Variants in PACRG observed in about 807,000 individuals in gnomAD.
The protein encoded by PACRG is parkin coregulated.
In PACRG, 29 loss-of-function variants were observed where a neutral mutation model predicts 29.7. The ratio of observed to expected loss-of-function variants is 0.98; its 90% CI spans 0.73 to 1.33. The LOEUF is 1.33. Ranked by LOEUF, PACRG falls within the 40% of genes most tolerant of loss-of-function variation. PACRG has a pLI of 0.00. For missense variants in PACRG, 279 were observed against 316.2 expected (o/e 0.88, Z 0.89); for synonymous variants, 116 against 118.7 (o/e 0.98, Z 0.15).
At chr6:163,025,898 C>T (rs1562843482) in intron 2 of PACRG, among the ~76,000 whole-genome samples, 4 of 152,148 alleles carry the variant, frequency 2.6e-5, no homozygotes, top group Non-Finnish European at 5.9e-5. Context: ...ATTAATGAGG[C>T]TTTGGTTAAA....
chr6:163,070,877 G>C (rs975474202), intron 3 of PACRG, among the ~76,000 whole-genome samples: 1 of 151,676 alleles, frequency 6.6e-6, no homozygotes, highest in Non-Finnish European at 1.5e-5. Context: ...CATGCCAATG[G>C]AAACCAAAAA....
intron 3 of PACRG, among the ~76,000 whole-genome samples, chr6:163,078,609 A>G (rs1812774667): frequency 6.6e-6 from 1 of 152,128 alleles, no homozygotes; most frequent in Non-Finnish European, 1.5e-5. Flanking sequence ...TGTCATCATT[A>G]TCATCGTCAT....
chr6:162,992,960 C>A (rs1358281352), intron 2 of PACRG, among the ~76,000 whole-genome samples: 1 of 151,602 alleles, frequency 6.6e-6, no homozygotes, highest in African/African-American at 2.4e-5. Flanking sequence ...TCGTTGGTTT[C>A]AAAGAACATC....
chr6:162,978,971 T>C (rs1802185365), intron 2 of PACRG, among the ~76,000 whole-genome samples: 1 of 152,162 alleles, frequency 6.6e-6, no homozygotes, highest in African/African-American at 2.4e-5. Context: ...TAGAATTGTA[T>C]AGGTTTGCTG....
chr6:162,829,881 C>T, intron 2 of PACRG, among the ~76,000 whole-genome samples: 1 of 152,148 alleles, frequency 6.6e-6, no homozygotes, highest in Non-Finnish European at 1.5e-5. Context: ...TGTCATCACT[C>T]AATCCCTACT....
chr6:163,094,050 C>T (rs1242391154), intron 4 of PACRG, among the ~76,000 whole-genome samples: 1 of 152,192 alleles, frequency 6.6e-6, no homozygotes, highest in East Asian at 1.9e-4. Flanking sequence ...GATTCAAACC[C>T]TCCTTGATAA....
intron 2 of PACRG, among the ~76,000 whole-genome samples, chr6:162,941,233 C>T (rs532471095): frequency 1.3e-5 from 2 of 152,288 alleles, no homozygotes; most frequent in Admixed American, 1.3e-4. Flanking sequence ...TTCTTCTCTC[C>T]AGTAGTCCCA....
rs868647736 is a variant in PACRG at position 162,934,677 on chromosome 6, T to A, written c.291+120396T>A. 3.9e-5 allele frequency among the ~76,000 whole-genome samples: 6 copies of A among 152,322 alleles called. 1 individual carries two copies. The Middle Eastern group carries it at 0.017, about 432-fold the overall frequency. ...TTGTTTCTTTCTTCCTCTTTTATTG[T>A]TTATCTTTTCAGTCTTGTGGTTTTC... On this transcript the variant is annotated intron_variant, in intron 2 of 4. Coordinates refer to ENST00000366888, the MANE Select transcript of PACRG (RefSeq NM_001080379.2).
chr6:163,208,174 C>T (rs1256853660), intron 4 of PACRG, among the ~76,000 whole-genome samples: 4 of 152,314 alleles, frequency 2.6e-5, no homozygotes, highest in East Asian at 3.9e-4. Context: ...ATTGCACAAT[C>T]GAGTCCAAAG....
intron 2 of PACRG, among the ~76,000 whole-genome samples, chr6:162,977,941 C>T (rs1185499081): frequency 6.6e-6 from 1 of 150,630 alleles, no homozygotes; most frequent in African/African-American, 2.5e-5. Context: ...GTCAGGAGTT[C>T]AAGACCAGCC....
chr6:162,967,577 GCTC>G (rs1444830358), intron 2 of PACRG, among the ~76,000 whole-genome samples: 2 of 151,618 alleles, frequency 1.3e-5, no homozygotes, highest in African/African-American at 4.9e-5. Context: ...TGCGATCTCG[GCTC>G]ACTGCAAGCT....
chr6:163,260,122 C>T (rs1783265052), intron 4 of PACRG, among the ~76,000 whole-genome samples: 1 of 152,236 alleles, frequency 6.6e-6, no homozygotes, highest in Non-Finnish European at 1.5e-5. Context: ...TCCCCCTTCC[C>T]TTCCCGATGT....
At chr6:163,244,752 C>A (rs549491469) in intron 4 of PACRG, among the ~76,000 whole-genome samples, 2 of 152,310 alleles carry the variant, frequency 1.3e-5, no homozygotes, top group African/African-American at 4.8e-5. Flanking sequence ...TTCATGTAAT[C>A]TTTTGGGAGA....
intron 2 of PACRG, among the ~76,000 whole-genome samples, chr6:163,000,065 G>C (rs952917920): frequency 1.3e-5 from 2 of 152,144 alleles, no homozygotes; most frequent in Non-Finnish European, 2.9e-5. Flanking sequence ...CCATCAGCAG[G>C]GTTCTCTGTA....
intron 1 of PACRG, among the ~76,000 whole-genome samples, chr6:162,794,684 GA>G (rs1554280595): frequency 6.6e-6 from 1 of 151,982 alleles, no homozygotes; most frequent in Non-Finnish European, 1.5e-5. Context: ...ACCATATATC[GA>G]AAACTACCTT....
intron 4 of PACRG, among the ~76,000 whole-genome samples, chr6:163,277,687 A>G (rs893705757): frequency 4.0e-5 from 6 of 149,268 alleles, no homozygotes; most frequent in Admixed American, 1.3e-4. Context: ...ATCTATATCT[A>G]TATCTATATA....
chr6:163,101,555 A>G, intron 4 of PACRG: 1 of 370,970 alleles, frequency 2.7e-6, no homozygotes, highest in Non-Finnish European at 3.7e-6. Context: ...ATGATATTCA[A>G]AGAGAATCAG....
At chr6:162,803,982 A>T (rs2128343921) in intron 1 of PACRG, among the ~76,000 whole-genome samples, 1 of 152,284 alleles carries the variant, frequency 6.6e-6, no homozygotes, top group African/African-American at 2.4e-5. Context: ...ATATAATGGC[A>T]AATAGTAGGT....
intron 2 of PACRG, among the ~76,000 whole-genome samples, chr6:162,942,133 C>G (rs945240166): frequency 6.6e-6 from 1 of 152,244 alleles, no homozygotes; most frequent in Admixed American, 6.5e-5. Flanking sequence ...CCTTTCGCAC[C>G]AAAAGAAACC....
Sources: allele counts gnomAD v4.1 joint callset (sites outside exome capture counted in the v4.1 genomes callset), GRCh38; gene constraint gnomAD v4.1.1; transcripts MANE v1.5; gene names NCBI Gene and HGNC (gene_info 2026-07-23, HGNC 2026-07-21).